The following C12orf42 variants were observed in gnomAD, a reference collection of about 807,000 sequenced individuals.
C12orf42 encodes uncharacterized protein C12orf42.
Under a neutral mutation model 21.6 loss-of-function variants are expected in C12orf42, and 25 were observed. The observed-to-expected ratio is 1.16, with a 90% CI of 0.84 to 1.62. C12orf42 has a LOEUF of 1.62. Among genes scored for constraint, C12orf42 ranks in the 40% most tolerant of loss-of-function variants. C12orf42 has a pLI of 0.00. For missense variants in C12orf42, 483 were observed against 459.3 expected, an observed-to-expected ratio of 1.05 and a Z score of -0.47; for synonymous variants, 174 against 175.0, an observed-to-expected ratio of 0.99 and a Z score of 0.05.
intron 10 of C12orf42, among the ~76,000 whole-genome samples, chr12:103,253,491 G>T (rs893913950): frequency 7.9e-5 from 12 of 152,064 alleles, no homozygotes; most frequent in Non-Finnish European, 1.8e-4. Context: ...TTGAGCAGAG[G>T]TTTGTAGTTC....
Position 103,288,473 on chromosome 12 carries a change from A to C in C12orf42, n.338-11263T>G, listed in dbSNP as rs1206996006. Among the ~76,000 whole-genome samples, 4 of 152,302 alleles carry C rather than the reference A, an allele frequency of 2.6e-5. 1 individual carries two copies. The South Asian group carries it at 6.2e-4, about 24-fold the overall frequency. Reference sequence around the variant, plus strand: ...GTTAGAAATAAAAATTACGTTTAGCACCTTACCTCGTTTAATGCGTCCTTG... The same window carrying C: ...GTTAGAAATAAAAATTACGTTTAGCCCCTTACCTCGTTTAATGCGTCCTTG... On this transcript the variant is annotated intron_variant and non_coding_transcript_variant, in intron 4 of 6. Transcript: ENST00000546526.
chr12:103,069,310 A>G, the C12orf42 span, among the ~76,000 whole-genome samples: 1 of 151,766 alleles, frequency 6.6e-6, no homozygotes. Flanking sequence ...TAATGTTTAT[A>G]CAGATTTTCC....
chr12:103,254,806 C>T (rs1593218706), intron 10 of C12orf42, among the ~76,000 whole-genome samples: 1 of 152,214 alleles, frequency 6.6e-6, no homozygotes, highest in East Asian at 1.9e-4. Flanking sequence ...ATAGCTAACG[C>T]ATTCTGGGCT....
At chr12:103,281,919 GAA>G (rs762017896) in intron 4 of C12orf42, among the ~76,000 whole-genome samples, 37 of 86,520 alleles carry the variant, frequency 4.3e-4, no homozygotes, top group Non-Finnish European at 8.2e-4. Context: ...GAAAGAAAAA[GAA>G]AGAAAGAAAG....
intron 4 of C12orf42, among the ~76,000 whole-genome samples, chr12:103,319,685 G>A (rs141391248): frequency 3.9e-5 from 6 of 152,180 alleles, no homozygotes; most frequent in Admixed American, 1.3e-4. Flanking sequence ...CCCTATGGCC[G>A]TCTGGCCAAT....
chr12:103,417,057 C>A (rs911675866), intron 2 of C12orf42, among the ~76,000 whole-genome samples: 5 of 152,048 alleles, frequency 3.3e-5, no homozygotes, highest in Non-Finnish European at 5.9e-5. Context: ...ATGTACCAGT[C>A]CAGGAAGAGT....
chr12:103,125,190 C>T, the C12orf42 span, among the ~76,000 whole-genome samples: 47 of 152,242 alleles, frequency 3.1e-4, no homozygotes, highest in African/African-American at 1.1e-3. Flanking sequence ...AGCCTACAGA[C>T]TGAATTAGTT....
intron 4 of C12orf42, among the ~76,000 whole-genome samples, chr12:103,362,974 TC>T (rs1284380842): frequency 1.3e-5 from 2 of 151,936 alleles, no homozygotes; most frequent in Non-Finnish European, 2.9e-5. Flanking sequence ...GACCTAGACA[TC>T]CAAATACAAG....
At chr12:103,206,843 T>G in the C12orf42 span, among the ~76,000 whole-genome samples, 1 of 152,226 alleles carries the variant, frequency 6.6e-6, no homozygotes, top group Non-Finnish European at 1.5e-5. Context: ...GAACGTTCTC[T>G]GCACTGGAGC....
chr12:103,229,706 CTT>C, the C12orf42 span, among the ~76,000 whole-genome samples: 1 of 152,116 alleles, frequency 6.6e-6, no homozygotes, highest in Non-Finnish European at 1.5e-5. Context: ...GTGTGTGAAT[CTT>C]TGAATTTTAT....
chr12:103,294,207 C>T (rs117257051), intron 4 of C12orf42, among the ~76,000 whole-genome samples: 10 of 151,894 alleles, frequency 6.6e-5, no homozygotes, highest in Admixed American at 5.9e-4. Flanking sequence ...TGCAGAGTAC[C>T]TAGGATGGTA....
downstream of C12orf42, among the ~76,000 whole-genome samples, chr12:103,299,441 C>T (rs150272778): frequency 4.6e-4 from 70 of 152,050 alleles, no homozygotes; most frequent in African/African-American, 1.6e-3. Flanking sequence ...TTCTTCAGTG[C>T]ACCAAATTTT....
chr12:103,314,288 C>G (rs2039251630), intron 4 of C12orf42, among the ~76,000 whole-genome samples: 1 of 151,906 alleles, frequency 6.6e-6, no homozygotes, highest in Non-Finnish European at 1.5e-5. Context: ...TAGAAAGCAA[C>G]CAGGGGTTTT....
chr12:103,146,403 C>G, the C12orf42 span, among the ~76,000 whole-genome samples: 1 of 147,966 alleles, frequency 6.8e-6, no homozygotes, highest in Non-Finnish European at 1.5e-5. Flanking sequence ...TCCCTTGAAC[C>G]AGGGAAGTGA....
At chr12:103,159,697 T>A in the C12orf42 span, 1 of 152,336 alleles carries the variant, frequency 6.6e-6, no homozygotes, top group Admixed American at 6.5e-5. Context: ...CCTTCAATAC[T>A]CAGGTTCACA....
At chr12:103,439,868 A>G (rs1326057417) in intron 2 of C12orf42, among the ~76,000 whole-genome samples, 14 of 149,662 alleles carry the variant, frequency 9.4e-5, no homozygotes, top group South Asian at 4.3e-4. Context: ...CAGGGATCTA[A>G]AACTAGAAAT....
chr12:103,313,397 AG>A (rs2039153434), intron 4 of C12orf42, among the ~76,000 whole-genome samples: 1 of 152,176 alleles, frequency 6.6e-6, no homozygotes, highest in Non-Finnish European at 1.5e-5. Context: ...GTTGAAGCAA[AG>A]GAAGAGTCTG....
At chr12:103,399,333 GCTCA>G (rs1418114722) in intron 3 of C12orf42, among the ~76,000 whole-genome samples, 1 of 151,416 alleles carries the variant, frequency 6.6e-6, no homozygotes, top group Non-Finnish European at 1.5e-5. Context: ...GATTCTAAAG[GCTCA>G]CTATTAAGTC....
rs964204001 is a variant in C12orf42 at position 103,453,340 on chromosome 12, T to C, written c.78+25009A>G. Among the ~76,000 whole-genome samples the C allele has an allele frequency of 8.5e-5, 13 of 152,048 alleles. 1 individual carries two copies. Among genetic ancestry groups the C allele is most frequent in the Admixed American group, 2.6e-4 (4 of 15,262 alleles). ...TTCATTCTACCAGTTTTCAAATTTA[T>C]TAACATAAAGTTTTAATACATCTTT... On this transcript the variant is annotated intron_variant, in intron 2 of 5. Transcript: ENST00000548883.
Sources: gnomAD v4.1 joint callset for allele counts (sites outside exome capture counted in the v4.1 genomes callset) on GRCh38, gnomAD v4.1.1 for gene constraint, MANE v1.5 for transcripts, NCBI Gene and HGNC (gene_info 2026-07-23, HGNC 2026-07-21) for gene names.